The following TEX9 variants were observed in gnomAD, a reference collection of about 807,000 sequenced individuals.
The protein encoded by TEX9 is testis-expressed protein 9.
In TEX9, 74 loss-of-function variants were observed where a neutral mutation model predicts 59.6. That is an observed-to-expected ratio of 1.24 (90% CI 1.03 to 1.51). TEX9 has a LOEUF of 1.51. Among genes scored for constraint, TEX9 ranks in the 40% most tolerant of loss-of-function variants. TEX9 has a pLI of 0.00. For missense variants in TEX9, 522 were observed against 447.8 expected, an observed-to-expected ratio of 1.17 and a Z score of -1.49; for synonymous variants, 186 against 152.2, an observed-to-expected ratio of 1.22 and a Z score of -1.64.
chr15:56,362,791 G>T (rs1404606787), upstream of TEX9, among the ~76,000 whole-genome samples: 2 of 152,148 alleles, frequency 1.3e-5, no homozygotes, highest in Non-Finnish European at 1.5e-5. Flanking sequence ...ACAATATGTA[G>T]TCATATTGAA....
At chr15:56,381,922 G>A (rs999404565) in intron 3 of TEX9, among the ~76,000 whole-genome samples, 10 of 152,226 alleles carry the variant, frequency 6.6e-5, no homozygotes, top group African/African-American at 2.4e-4. Flanking sequence ...GGCCAGCCAG[G>A]TTTGTGTCCT....
chr15:56,409,657 T>C (rs1301471235), intron 9 of TEX9: 1 of 146,690 alleles, frequency 6.8e-6, no homozygotes, highest in African/African-American at 2.4e-5. Flanking sequence ...TATGCCACAA[T>C]GTCCAGCTAA....
chr15:56,389,969 A>G (rs1454918651), intron 6 of TEX9, among the ~76,000 whole-genome samples: 2 of 152,008 alleles, frequency 1.3e-5, no homozygotes, highest in Non-Finnish European at 2.9e-5. Context: ...GGTTGCACCA[A>G]CCATCTTCAG....
chr15:56,296,613 G>T (rs1469177208), intron 1 of TEX9, among the ~76,000 whole-genome samples: 3 of 152,146 alleles, frequency 2.0e-5, no homozygotes, highest in African/African-American at 7.2e-5. Context: ...TTTTCACTGT[G>T]TAAAATATAA....
chr15:56,302,830 A>G (rs1024214811), intron 1 of TEX9, among the ~76,000 whole-genome samples: 5 of 152,206 alleles, frequency 3.3e-5, no homozygotes, highest in African/African-American at 4.8e-5. Flanking sequence ...CTTCACCTAT[A>G]AAGACACACA....
chr15:56,253,484 T>G (rs886933571), intron 1 of TEX9, among the ~76,000 whole-genome samples: 2 of 152,158 alleles, frequency 1.3e-5, no homozygotes, highest in Admixed American at 1.3e-4. Context: ...TTTAAACACG[T>G]ATCCCTTCTG....
At chr15:56,253,168 A>G (rs552238276) in intron 1 of TEX9, among the ~76,000 whole-genome samples, 14 of 152,290 alleles carry the variant, frequency 9.2e-5, no homozygotes, top group African/African-American at 3.1e-4. Context: ...TAGCTGCTGC[A>G]AGAAATTCCT....
chr15:56,419,515 T>C (rs1436176491), intron 10 of TEX9, among the ~76,000 whole-genome samples: 2 of 151,930 alleles, frequency 1.3e-5, no homozygotes, highest in Admixed American at 6.5e-5. Context: ...CCCGTATCTA[T>C]TGAAATTATA....
At chr15:56,395,042 T>G (rs1451238283) in intron 9 of TEX9, 3 of 560,828 alleles carry the variant, frequency 5.3e-6, no homozygotes, top group Non-Finnish European at 9.2e-6. Flanking sequence ...TTTTGGTGTA[T>G]TCATAGAATT....
chr15:56,443,459 G>C, intron 12 of TEX9: 1 of 1,591,276 alleles, frequency 6.3e-7, no homozygotes, highest in South Asian at 1.2e-5. Context: ...ATTTCAGCTT[G>C]TTCTTCCTGG....
chr15:56,396,463 A>C (rs1438000119), intron 9 of TEX9: 1 of 151,992 alleles, frequency 6.6e-6, no homozygotes, highest in African/African-American at 2.4e-5. Context: ...GGCCTTCCCT[A>C]ATTCCACCAC....
chr15:56,269,298 G>C (rs563632954), intron 1 of TEX9, among the ~76,000 whole-genome samples: 9 of 151,790 alleles, frequency 5.9e-5, no homozygotes, highest in African/African-American at 1.9e-4. Flanking sequence ...TTTTTTGAAG[G>C]GTTTTTTCGT....
At chr15:56,446,656 A>G (rs1241989837), downstream of TEX9, among the ~76,000 whole-genome samples, 2 of 152,066 alleles carry the variant, frequency 1.3e-5, no homozygotes, top group African/African-American at 4.8e-5. Context: ...GTGTTTCTGA[A>G]AGGCTCTAAT....
intron 3 of TEX9, among the ~76,000 whole-genome samples, chr15:56,382,246 CCTTCAAGGGAGT>C (rs1419835244): frequency 2.0e-5 from 3 of 152,154 alleles, no homozygotes; most frequent in Non-Finnish European, 4.4e-5. Context: ...TGGGACTCAC[CCTTCAAGGGAGT>C]GGGCTCCCCT....
At chr15:56,389,252 A>G in intron 5 of TEX9, 66 bp from the exon 6 acceptor site, 1 of 1,275,306 alleles carries the variant, frequency 7.8e-7, no homozygotes. Flanking sequence ...TATGTGTTAC[A>G]GAATTGCTTT....
intron 1 of TEX9, among the ~76,000 whole-genome samples, chr15:56,350,276 G>C (rs2046552328): frequency 6.6e-6 from 1 of 152,180 alleles, no homozygotes; most frequent in African/African-American, 2.4e-5. Flanking sequence ...CTGTTGGCAA[G>C]TGTGTAATGT....
exon 11 of TEX9, chr15:56,427,717 T>TTGA: frequency 6.7e-7 from 1 of 1,494,276 alleles, no homozygotes; most frequent in Non-Finnish European, 8.9e-7. Flanking sequence ...TTAAAATTAA[T>TTGA]TGATGTTTTA....
chr15:56,411,006 A>G (rs2049316466), intron 9 of TEX9, among the ~76,000 whole-genome samples: 2 of 152,184 alleles, frequency 1.3e-5, no homozygotes, highest in Admixed American at 6.5e-5. Flanking sequence ...TTTCCCCTTA[A>G]TTACTCAGAG....
chr15:56,396,528 C>T (rs548815245), intron 9 of TEX9: 1 of 146,730 alleles, frequency 6.8e-6, no homozygotes, highest in African/African-American at 2.5e-5. Context: ...TCCCAAATGT[C>T]ACATAAATAG....
Sources: allele counts gnomAD v4.1 joint callset (sites outside exome capture counted in the v4.1 genomes callset), GRCh38; gene constraint gnomAD v4.1.1; transcripts MANE v1.5; gene names NCBI Gene and HGNC (gene_info 2026-07-23, HGNC 2026-07-21).